Variants in BCKDHB observed in about 807,000 individuals in gnomAD.
The protein encoded by BCKDHB is 2-oxoisovalerate dehydrogenase subunit beta, mitochondrial.
In BCKDHB, 41 loss-of-function variants were observed where a neutral mutation model predicts 48.5. That is an observed-to-expected ratio of 0.85 (90% CI 0.66 to 1.10). The LOEUF is 1.10. Ranked by LOEUF, BCKDHB falls within the 50% of genes least tolerant of loss-of-function variation. BCKDHB has a pLI of 0.00. For missense variants in BCKDHB, 496 were observed against 494.2 expected, an observed-to-expected ratio of 1.00 and a Z score of -0.03; for synonymous variants, 201 against 174.8, an observed-to-expected ratio of 1.15 and a Z score of -1.18.
the BCKDHB span, among the ~76,000 whole-genome samples, chr6:80,432,514 G>A: frequency 5.9e-5 from 9 of 152,060 alleles, no homozygotes; most frequent in Non-Finnish European, 8.8e-5. Context: ...TTCTCGTGCT[G>A]TGTTTTTCGG....
chr6:80,182,843 C>A (rs1017734718), intron 6 of BCKDHB, among the ~76,000 whole-genome samples: 1 of 152,056 alleles, frequency 6.6e-6, no homozygotes, highest in African/African-American at 2.4e-5. Flanking sequence ...GAGCATGTTA[C>A]AAATATTGTA....
the BCKDHB span, among the ~76,000 whole-genome samples, chr6:80,429,105 C>A: frequency 6.6e-6 from 1 of 152,118 alleles, no homozygotes; most frequent in Non-Finnish European, 1.5e-5. Flanking sequence ...GCCAGTTTAC[C>A]CAACACCACT....
the BCKDHB span, among the ~76,000 whole-genome samples, chr6:80,412,318 A>G: frequency 6.6e-6 from 1 of 150,654 alleles, no homozygotes. Flanking sequence ...TAATTTTTGT[A>G]TTTTTTTTAG....
the BCKDHB span, among the ~76,000 whole-genome samples, chr6:80,416,326 G>A: frequency 6.6e-6 from 1 of 150,940 alleles, no homozygotes; most frequent in Non-Finnish European, 1.5e-5. Context: ...GCTAGCTTTG[G>A]GACTTATTTG....
intron 8 of BCKDHB, among the ~76,000 whole-genome samples, chr6:80,209,811 T>G (rs1006209966): frequency 6.6e-6 from 1 of 151,930 alleles, no homozygotes; most frequent in African/African-American, 2.4e-5. Context: ...TCATTACATT[T>G]AAGAAAATTT....
At chr6:80,378,237 C>T in the BCKDHB span, among the ~76,000 whole-genome samples, 14 of 152,090 alleles carry the variant, frequency 9.2e-5, no homozygotes, top group South Asian at 2.1e-4. Context: ...TTCTCCCATG[C>T]TCCCTTCTTT....
intron 1 of BCKDHB, among the ~76,000 whole-genome samples, chr6:80,122,969 TC>T (rs371123317): frequency 1.7e-3 from 71 of 40,712 alleles, no homozygotes; most frequent in East Asian, 4.2e-3. Context: ...CTTCCCCCCC[TC>T]CCCCCCGGCC....
At chr6:80,148,522 A>T (rs1771598766) in intron 3 of BCKDHB, among the ~76,000 whole-genome samples, 1 of 152,114 alleles carries the variant, frequency 6.6e-6, no homozygotes, top group Non-Finnish European at 1.5e-5. Flanking sequence ...CCACTATCAT[A>T]GTTCATGCTC....
intron 8 of BCKDHB, among the ~76,000 whole-genome samples, chr6:80,272,133 T>C (rs1044588836): frequency 2.0e-5 from 3 of 152,138 alleles, no homozygotes; most frequent in Non-Finnish European, 2.9e-5. Flanking sequence ...CTAGTAGATA[T>C]GGTAACTTAT....
In BCKDHB at chr6:80,117,829, C is replaced by T. The variant is rs555678909; in HGVS notation, c.197-9718C>T. Among the ~76,000 whole-genome samples, 9 of 152,254 alleles carry T rather than the reference C, an allele frequency of 5.9e-5. No homozygotes were observed. The East Asian group carries it at 1.4e-3, about 23-fold the overall frequency. On this transcript the variant is annotated intron_variant, in intron 1 of 9. Transcript: ENST00000320393. ...ATAAATATGTGGGTAAATCTCTGTTCGAGGCTCTCAGCTCTGAAGGCTGTG... is the reference window on the plus strand; with the variant it reads ...ATAAATATGTGGGTAAATCTCTGTTTGAGGCTCTCAGCTCTGAAGGCTGTG...
At chr6:80,428,377 G>T in the BCKDHB span, among the ~76,000 whole-genome samples, 13 of 152,234 alleles carry the variant, frequency 8.5e-5, no homozygotes, top group South Asian at 6.2e-4. Context: ...AATCCTTGGG[G>T]TATATATCTA....
At chr6:80,374,206 C>A in the BCKDHB span, 1 of 730,258 alleles carries the variant, frequency 1.4e-6, no homozygotes, top group Admixed American at 1.7e-5. Flanking sequence ...ATCTTAGATG[C>A]TTTATTCATT....
chr6:80,456,126 A>T, the BCKDHB span, among the ~76,000 whole-genome samples: 49 of 152,142 alleles, frequency 3.2e-4, no homozygotes, highest in Middle Eastern at 3.4e-3. Flanking sequence ...GAGGTGGAAG[A>T]ATCTCTTGAA....
intron 6 of BCKDHB, among the ~76,000 whole-genome samples, chr6:80,176,329 A>C (rs1017248056): frequency 1.3e-5 from 2 of 152,316 alleles, no homozygotes; most frequent in Non-Finnish European, 2.9e-5. Context: ...CATGAAAATT[A>C]GAACGCTGCA....
the BCKDHB span, among the ~76,000 whole-genome samples, chr6:80,389,006 G>A: frequency 6.6e-6 from 1 of 152,202 alleles, no homozygotes; most frequent in African/African-American, 2.4e-5. Context: ...CTTGGAAGAA[G>A]CATGATTGGA....
At chr6:80,124,276 G>T (rs1770211317) in intron 1 of BCKDHB, among the ~76,000 whole-genome samples, 2 of 152,094 alleles carry the variant, frequency 1.3e-5, no homozygotes, top group South Asian at 2.1e-4. Flanking sequence ...TGTTATTTCT[G>T]TTCTTTTACA....
chr6:80,178,005 TTTC>T (rs973064462), intron 6 of BCKDHB, among the ~76,000 whole-genome samples: 7 of 152,186 alleles, frequency 4.6e-5, no homozygotes, highest in Non-Finnish European at 1.0e-4. Context: ...CACCTCTGGG[TTTC>T]TTCTTTTCCT....
chr6:80,198,105 A>G (rs1256623539), intron 6 of BCKDHB, among the ~76,000 whole-genome samples: 1 of 152,200 alleles, frequency 6.6e-6, no homozygotes, highest in African/African-American at 2.4e-5. Flanking sequence ...AACAGATGGT[A>G]AATATTTTAG....
chr6:80,174,677 G>T (rs1773070338), intron 6 of BCKDHB, among the ~76,000 whole-genome samples: 1 of 152,080 alleles, frequency 6.6e-6, no homozygotes, highest in African/African-American at 2.4e-5. Flanking sequence ...TGCCAAAGCT[G>T]GGCTTTTTCC....
Sources: gnomAD v4.1 joint callset for allele counts (sites outside exome capture counted in the v4.1 genomes callset) on GRCh38, gnomAD v4.1.1 for gene constraint, MANE v1.5 for transcripts, NCBI Gene and HGNC (gene_info 2026-07-23, HGNC 2026-07-21) for gene names.